Variants in SP3 observed in about 807,000 individuals in gnomAD.
SP3 encodes Sp3 transcription factor.
In SP3, 10 loss-of-function variants were observed where a neutral mutation model predicts 70.3. The observed-to-expected ratio is 0.14, with a 90% CI of 0.09 to 0.24. The LOEUF is 0.24. Ranked by LOEUF, SP3 falls within the 10% of genes least tolerant of loss-of-function variation. The pLI, the probability that SP3 is intolerant of heterozygous loss-of-function variation, is 1.00. For synonymous variants in SP3, 402 were observed against 333.5 expected (o/e 1.21, Z -2.24); for missense variants, 825 against 914.6 (o/e 0.90, Z 1.26).
intron 4 of SP3, among the ~76,000 whole-genome samples, chr2:173,933,664 A>ATATATATATATATATATATC: frequency 7.0e-6 from 1 of 142,592 alleles, no homozygotes; most frequent in Non-Finnish European, 1.5e-5. Context: ...ATATATATAT[A>ATATATATATATATATATATC]TATATATAAA....
chr2:173,910,652 T>A (rs1689453626), intron 6 of SP3, among the ~76,000 whole-genome samples: 1 of 152,196 alleles, frequency 6.6e-6, no homozygotes, highest in South Asian at 2.1e-4. Context: ...AATACTAACA[T>A]GCCATGTTCA....
chr2:173,911,813 C>CTTT (rs11448837), intron 6 of SP3, among the ~76,000 whole-genome samples: 14,575 of 97,776 alleles, frequency 0.15, 1,309 homozygotes, highest in Non-Finnish European at 0.17. Context: ...TTTTATCTAC[C>CTTT]TTTTTTTTTT....
chr2:173,910,025 G>A lies in SP3; in HGVS notation c.2262C>T (p.Ser754=), dbSNP rs149409403. 22 of 1,613,698 alleles carry A rather than the reference G, an allele frequency of 1.4e-5. No individual in the cohort carries two copies. Among genetic ancestry groups the A allele is most frequent in the African/African-American group, 1.3e-4 (10 of 75,022 alleles). ...SVSGIGTVNT[S]ATSNQDILTN... The stretch of plus-strand genomic sequence containing the variant: ...TAAGGATATCTTGATTGCTGGTGGC[G>A]GAAGTATTAACAGTTCCTATCCCTG... Residue 754 remains serine, a synonymous_variant, in exon 7 of 7, where the codon TCC becomes TCT. Coordinates refer to ENST00000310015, the MANE Select transcript of SP3 (RefSeq NM_003111.5).
At chr2:173,921,460 G>T (rs1266157920) in intron 4 of SP3, among the ~76,000 whole-genome samples, 3 of 152,136 alleles carry the variant, frequency 2.0e-5, no homozygotes, top group Non-Finnish European at 2.9e-5. Flanking sequence ...AGACCGAAGC[G>T]GGAGAAACGA....
intron 4 of SP3, among the ~76,000 whole-genome samples, chr2:173,928,823 C>T (rs1045829398): frequency 3.9e-5 from 6 of 152,192 alleles, no homozygotes; most frequent in African/African-American, 1.4e-4. Context: ...AGAATTTATA[C>T]ATTTTTCTTT....
At chr2:173,951,408 AAAAT>A (rs1461920659) in intron 4 of SP3, among the ~76,000 whole-genome samples, 1 of 152,202 alleles carries the variant, frequency 6.6e-6, no homozygotes, top group Non-Finnish European at 1.5e-5. Context: ...AGTTCATTTA[AAAAT>A]AAATCCATTA....
chr2:173,909,867 C>T lies in SP3; in HGVS notation c.*74G>A. 2 of 1,462,106 alleles carry T rather than the reference C, an allele frequency of 1.4e-6. No individual in the cohort carries two copies. Among genetic ancestry groups the T allele is most frequent in the Non-Finnish European group, 1.9e-6 (2 of 1,077,506 alleles). 90.6% of individuals were successfully genotyped at this position (1,462,106 alleles called of 1,614,324 possible). A position where few individuals can be genotyped will look rare whatever the true frequency, so the allele number is the denominator to read the frequency against. On this transcript the variant is annotated 3_prime_UTR_variant, in exon 7 of 7. Transcript: ENST00000310015. The stretch of plus-strand genomic sequence containing the variant: ...TTTTTGCACATCAATAAAAAGATAT[C>T]TAAGAACTTAGGAACAATATTCTTC...
intron 4 of SP3, among the ~76,000 whole-genome samples, chr2:173,931,499 A>G (rs1690065736): frequency 6.6e-6 from 1 of 152,048 alleles, no homozygotes; most frequent in Non-Finnish European, 1.5e-5. Context: ...GTGCGCCATC[A>G]TGCCCGGCTA....
chr2:173,918,357 G>C (rs1689662773), intron 5 of SP3, among the ~76,000 whole-genome samples: 1 of 152,004 alleles, frequency 6.6e-6, no homozygotes, highest in South Asian at 2.1e-4. Flanking sequence ...CTGTTAAATG[G>C]CATCTGCTGT....
intron 3 of SP3, among the ~76,000 whole-genome samples, chr2:173,961,971 A>AC (rs1553519093): frequency 9.5e-6 from 1 of 104,900 alleles, no homozygotes; most frequent in Non-Finnish European, 2.1e-5. Context: ...AGGCAAAACT[A>AC]TTTTCATTTT....
At chr2:173,930,954 C>T (rs1690049731) in intron 4 of SP3, among the ~76,000 whole-genome samples, 1 of 152,062 alleles carries the variant, frequency 6.6e-6, no homozygotes, top group Non-Finnish European at 1.5e-5. Flanking sequence ...TATAGACATA[C>T]CTCAGAAACA....
At chr2:173,947,195 A>G (rs570273942) in intron 4 of SP3, among the ~76,000 whole-genome samples, 1 of 152,334 alleles carries the variant, frequency 6.6e-6, no homozygotes, top group South Asian at 2.1e-4. Flanking sequence ...TCAACACAAG[A>G]AAATTCTTAG....
At chr2:173,959,918 C>T (rs1252672157) in intron 3 of SP3, among the ~76,000 whole-genome samples, 6 of 152,196 alleles carry the variant, frequency 3.9e-5, no homozygotes, top group Admixed American at 2.0e-4. Flanking sequence ...TCTTACCGGA[C>T]AATTAACAAA....
chr2:173,916,397 T>C (rs1392582463), intron 5 of SP3: 3 of 152,056 alleles, frequency 2.0e-5, no homozygotes, highest in Non-Finnish European at 4.4e-5. Context: ...GAACTGTTTC[T>C]TTACTTGTGT....
At chr2:173,933,662 AT>A in intron 4 of SP3, among the ~76,000 whole-genome samples, 1 of 143,090 alleles carries the variant, frequency 7.0e-6, no homozygotes, top group East Asian at 2.0e-4. Flanking sequence ...ATATATATAT[AT>A]ATATATATAA....
chr2:173,923,944 T>G (rs534422996), intron 4 of SP3, among the ~76,000 whole-genome samples: 1 of 152,208 alleles, frequency 6.6e-6, no homozygotes, highest in Admixed American at 6.5e-5. Flanking sequence ...GTACCAAGTT[T>G]TTTTTCAACT....
At chr2:173,934,759 T>C (rs953654737) in intron 4 of SP3, among the ~76,000 whole-genome samples, 3 of 152,108 alleles carry the variant, frequency 2.0e-5, no homozygotes, top group Non-Finnish European at 2.9e-5. Flanking sequence ...TCAACAAATA[T>C]AAGGTATTAC....
intron 3 of SP3, 33 bp from the exon 4 acceptor site, chr2:173,956,265 G>T (rs1216857228): frequency 1.3e-6 from 2 of 1,532,904 alleles, no homozygotes; most frequent in Non-Finnish European, 1.7e-6. Context: ...TGATATATTT[G>T]TGGTATATTT....
At chr2:173,935,626 C>T (rs1403341695) in intron 4 of SP3, among the ~76,000 whole-genome samples, 3 of 152,160 alleles carry the variant, frequency 2.0e-5, no homozygotes, top group Admixed American at 6.5e-5. Context: ...TTTCCCAAAA[C>T]ATCTTCCTTT....
Sources: gnomAD v4.1 joint callset for allele counts (sites outside exome capture counted in the v4.1 genomes callset) on GRCh38, gnomAD v4.1.1 for gene constraint, MANE v1.5 for transcripts, NCBI Gene and HGNC (gene_info 2026-07-23, HGNC 2026-07-21) for gene names.